AQP10: variants seen among roughly 807,000 people sequenced by gnomAD.
AQP10 encodes aquaporin-10.
Under a neutral mutation model 21.0 loss-of-function variants are expected in AQP10, and 15 were observed. That is an observed-to-expected ratio of 0.71 (90% confidence interval 0.48 to 1.10). The LOEUF (loss-of-function observed/expected upper bound fraction) is 1.10, where lower values mean the gene tolerates loss of function less well. Ranked by LOEUF, AQP10 falls within the 50% of genes least tolerant of loss-of-function variation. AQP10 has a pLI of 0.00. For synonymous variants in AQP10, 143 were observed against 155.7 expected, an observed-to-expected ratio of 0.92 and a Z score of 0.61; for missense variants, 268 against 379.5, an observed-to-expected ratio of 0.71 and a Z score of 2.44.
At chr1:154,322,154 C>G in intron 2 of AQP10, 95 bp downstream of exon 2, 2 of 1,532,646 alleles carry the variant, frequency 1.3e-6, no homozygotes, top group East Asian at 2.4e-5. Context: ...TTCTGTGACT[C>G]GTGGACATTA....
rs1685686331 is a variant in AQP10, at chr1:154,323,187, G to C, written c.371-54G>C. The C allele has an allele frequency of 6.2e-7, 1 of 1,613,842 alleles. No homozygotes were observed. The highest frequency in any genetic ancestry group is 8.5e-7 in the Non-Finnish European group (1 of 1,179,748). On this transcript the variant is annotated intron_variant, in intron 3 of 5. Transcript: ENST00000324978. The surrounding 1 kb of genome is among the most constrained non-coding windows in gnomAD (Gnocchi z 4.5). ...TGGGTGGGCAGGGGTGCCTCAGAAT[G>C]GTTTTGGATGAATGAGCAAAGAGGG...
chr1:154,323,461 T>C lies in AQP10; in HGVS notation c.489+102T>C, dbSNP rs1425092170. 8.7e-6 allele frequency: 13 copies of C among 1,494,922 alleles called. No homozygotes were observed. The East Asian group carries it at 2.9e-4, about 34-fold the overall frequency. 92.6% of individuals were successfully genotyped at this position (1,494,922 alleles called of 1,614,324 possible). ...GGTGGAGTGTGGGTTGGGTCTATCT[T>C]GGCACTCCCCACCATCCCCAACTGC... On this transcript the variant is annotated intron_variant, in intron 4 of 5. Coordinates refer to ENST00000324978, the MANE Select transcript of AQP10 (RefSeq NM_080429.3). The surrounding 1 kb of genome is among the most constrained non-coding windows in gnomAD (Gnocchi z 4.5).
At chr1:154,322,566 G>A (rs1685669802) in intron 2 of AQP10, among the ~76,000 whole-genome samples, 2 of 141,640 alleles carry the variant, frequency 1.4e-5, no homozygotes, top group East Asian at 2.2e-4. Flanking sequence ...GTGGTGTGAT[G>A]TCTGTTCACT....
chr1:154,321,130 G>A lies in AQP10; in HGVS notation c.-26G>A. 5 of 1,592,556 alleles carry A rather than the reference G, an allele frequency of 3.1e-6. No individual in the cohort carries two copies. The highest frequency in any genetic ancestry group is 4.3e-6 in the Non-Finnish European group (5 of 1,163,852). On this transcript the variant is annotated 5_prime_UTR_variant, in exon 1 of 6. In the 5' UTR this introduces an upstream ATG that the reference lacks. Transcript: ENST00000324978. ...TGTGCCTATGCAGACAGAGGGAGCA[G>A]TGAATAGCAATAGGGTGTTTCCACC...
chr1:154,324,603 T>A lies in AQP10; in HGVS notation c.*123T>A. The A allele has an allele frequency of 1.0e-6, 1 of 982,842 alleles. No homozygotes were observed. The highest frequency in any genetic ancestry group is 1.5e-6 in the Non-Finnish European group (1 of 677,870). 60.9% of individuals were successfully genotyped at this position (982,842 alleles called of 1,614,324 possible). A position where few individuals can be genotyped will look rare whatever the true frequency, so the allele number is the denominator to read the frequency against. ...CTGGGAGGCTTCTCTGTTTATCTGTTTGGCATCCCTTCCTCCTAAACTAAG... is the reference window on the plus strand; with the variant it reads ...CTGGGAGGCTTCTCTGTTTATCTGTATGGCATCCCTTCCTCCTAAACTAAG... On this transcript the variant is annotated 3_prime_UTR_variant, in exon 6 of 6. Coordinates refer to ENST00000324978, the MANE Select transcript of AQP10 (RefSeq NM_080429.3).
chr1:154,321,289 A>G (rs1359057859), intron 1 of AQP10, 29 bp downstream of exon 1: 1 of 1,588,544 alleles, frequency 6.3e-7, no homozygotes, highest in Non-Finnish European at 8.6e-7. Flanking sequence ...GGAAGGAAAG[A>G]AGGGGGTTGG....
chr1:154,323,013 C>T lies in AQP10; in HGVS notation c.264C>T (p.Ala88=). 1 of 1,614,184 alleles carries T rather than the reference C, an allele frequency of 6.2e-7. No homozygotes were observed. The highest frequency in any genetic ancestry group is 8.5e-7 in the Non-Finnish European group (1 of 1,180,032). Residue 88 remains alanine, a synonymous_variant, in exon 3 of 6, where the codon GCC becomes GCT. Transcript: ENST00000324978. This position sits in a 1 kb window ranked among gnomAD's most constrained non-coding sequence, Gnocchi z 4.5. ...GAHLNPAFSL[A]MCIVGRLPWV... ...ACCTGAATCCAGCCTTCTCCCTGGC[C>T]ATGTGCATCGTTGGACGCCTCCCCT...
Position 154,322,053 on chromosome 1 carries a change from G to T in AQP10, c.226G>T (p.Val76Phe). The change falls in exon 2 of 6, where the codon GTC (valine) becomes TTC (phenylalanine). Residue 76 changes from valine (V) to phenylalanine (F), a missense_variant. Physicochemically the swap from Val to Phe is conservative, Grantham distance 50. Around this residue, in one of 3 missense-constraint regions of AQP10, gnomAD observed 229 missense variants for 295.1 expected, o/e 0.78. Coordinates refer to ENST00000324978, the MANE Select transcript of AQP10 (RefSeq NM_080429.3). ...VTIAIYVGGN[V>F]SGAHLNPAFS... ...GATAGCCATCTACGTGGGTGGTAAC[G>T]TCTCAGGTGAGGAGGGTGGGGTCTG... is the stretch of plus-strand genomic sequence containing the variant. 6.2e-7 allele frequency: 1 copy of T among 1,613,220 alleles called. No individual in the cohort carries two copies. The highest frequency in any genetic ancestry group is 8.5e-7 in the Non-Finnish European group (1 of 1,179,576).
intron 1 of AQP10, 109 bp from the exon 2 acceptor site, chr1:154,321,824 C>G: frequency 6.8e-7 from 1 of 1,467,568 alleles, no homozygotes; most frequent in Non-Finnish European, 9.3e-7. Flanking sequence ...CCTTCCCTTG[C>G]TTGTCTTCTG....
At chr1:154,321,839 C>T in intron 1 of AQP10, 94 bp from the exon 2 acceptor site, 3 of 1,553,252 alleles carry the variant, frequency 1.9e-6, no homozygotes, top group Non-Finnish European at 2.6e-6. Context: ...CTTCTGTGCT[C>T]ATTCATCTCC....
At chr1:154,324,061 T>C in intron 5 of AQP10, 6 of 1,330,644 alleles carry the variant, frequency 4.5e-6, no homozygotes, top group Non-Finnish European at 6.0e-6. Context: ...ATCAGCAAAA[T>C]TAATATATTC....
At chr1:154,321,546 C>T (rs1685641122) in intron 1 of AQP10, among the ~76,000 whole-genome samples, 1 of 152,050 alleles carries the variant, frequency 6.6e-6, no homozygotes, top group South Asian at 2.1e-4. Context: ...CATGGTAAGA[C>T]CAATGTGCTT....
rs191731089 is a variant in AQP10 at position 154,322,330 on chromosome 1, G to A, written c.232+271G>A. ...TGCTATCCTCTTGTATCCCCCACCT[G>A]AAGTCCTCTGGGGGCTCATCTCCAC... On this transcript the variant is annotated intron_variant, in intron 2 of 5. Coordinates refer to ENST00000324978, the MANE Select transcript of AQP10 (RefSeq NM_080429.3). 3.7e-3 allele frequency among the ~76,000 whole-genome samples: 567 copies of A among 152,040 alleles called. 2 individuals are homozygous for A. Among genetic ancestry groups the A allele is most frequent in the Non-Finnish European group, 7.0e-3 (474 of 67,958 alleles).
intron 5 of AQP10, 37 bp from the exon 6 acceptor site, chr1:154,324,245 T>C (rs1378038688): frequency 6.7e-7 from 1 of 1,502,788 alleles, no homozygotes; most frequent in Non-Finnish European, 8.9e-7. Flanking sequence ...GCTAAGGGAG[T>C]CACTCCTGAT....
intron 2 of AQP10, among the ~76,000 whole-genome samples, chr1:154,322,266 C>T (rs1685661862): frequency 6.6e-6 from 1 of 152,172 alleles, no homozygotes; most frequent in Non-Finnish European, 1.5e-5. Flanking sequence ...ATGCTTGGCT[C>T]ACCTAGACAG....
In AQP10 at chr1:154,323,298, C is replaced by T; in HGVS notation, c.428C>T (p.Ala143Val). The change falls in exon 4 of 6, where the codon GCC (alanine) becomes GTC (valine). Residue 143 changes from alanine to valine, a missense_variant. This residue lies in a region of AQP10 where 229 missense variants were observed against 295.1 expected (regional missense o/e 0.78). Transcript: ENST00000324978. This position sits in a 1 kb window ranked among gnomAD's most constrained non-coding sequence, Gnocchi z 4.5. ...ACAGTGACTGGCCCCAAGGAGACAGCCTCCATTTTTGCCACCTATCCTGCC... is the reference window on the plus strand; with the variant it reads ...ACAGTGACTGGCCCCAAGGAGACAGTCTCCATTTTTGCCACCTATCCTGCC... ...NLTVTGPKET[A>V]SIFATYPAPY... 1.2e-6 allele frequency: 2 copies of T among 1,614,186 alleles called. No individual in the cohort carries two copies. Among genetic ancestry groups the T allele is most frequent in the East Asian group, 4.5e-5 (2 of 44,886 alleles).
Position 154,321,274 on chromosome 1 carries a change from C to G in AQP10, c.105+14C>G. ...TTTGTACTCATGGTAGGTAGGATCA[C>G]TGCGGGAAGGAAAGAAGGGGGTTGG... On this transcript the variant is annotated intron_variant, in intron 1 of 5. Coordinates refer to ENST00000324978, the MANE Select transcript of AQP10 (RefSeq NM_080429.3). 6.2e-7 allele frequency: 1 copy of G among 1,605,186 alleles called. No homozygotes were observed. Among genetic ancestry groups the G allele is most frequent in the Non-Finnish European group, 8.5e-7 (1 of 1,175,374 alleles).
At position 154,323,491 on chromosome 1, in the gene AQP10, G is replaced by A. The variant is rs1216594775; in HGVS notation, c.490-98G>A. On this transcript the variant is annotated intron_variant, in intron 4 of 5. Coordinates refer to ENST00000324978, the MANE Select transcript of AQP10 (RefSeq NM_080429.3). This position sits in a 1 kb window ranked among gnomAD's most constrained non-coding sequence, Gnocchi z 4.5. The stretch of plus-strand genomic sequence containing the variant: ...CTCCCCACCATCCCCAACTGCCTGT[G>A]TTGCACAAAGCCAGATGACATGGAA... The A allele has an allele frequency of 6.0e-6, 9 of 1,512,032 alleles. No individual in the cohort carries two copies. Among genetic ancestry groups the A allele is most frequent in the Non-Finnish European group, 8.1e-6 (9 of 1,104,360 alleles). The allele number at this position is 1,512,032 out of a possible 1,614,324, so 93.7% of individuals were successfully genotyped here.
In AQP10 at chr1:154,322,851, T is replaced by C. The variant is rs571006455; in HGVS notation, c.233-131T>C. On this transcript the variant is annotated intron_variant, in intron 2 of 5. Transcript: ENST00000324978. ...CATCTGTAACATCTGGAGCCTCAAT[T>C]TCCTAAGCTGTGTGATGAGAATTAC... 17 of 1,214,668 alleles carry C rather than the reference T, an allele frequency of 1.4e-5. No homozygotes were observed. The African/African-American group carries it at 2.6e-4, about 18-fold the overall frequency. The allele number at this position is 1,214,668 out of a possible 1,614,324, so 75.2% of individuals were successfully genotyped here.
Sources: gnomAD v4.1 joint callset for allele counts (sites outside exome capture counted in the v4.1 genomes callset) on GRCh38, gnomAD v4.1.1 for gene constraint, gnomAD v4.1.1 regional missense constraint, Gnocchi (gnomAD v3.1) non-coding constraint, MANE v1.5 for transcripts, NCBI Gene and HGNC (gene_info 2026-07-23, HGNC 2026-07-21) for gene names.